KCNC2: variants seen among roughly 807,000 people sequenced by gnomAD.
KCNC2 encodes voltage-gated potassium channel KCNC2.
A neutral mutation model predicts 44.5 loss-of-function variants in KCNC2; 21 were observed. The observed-to-expected ratio is 0.47, with a 90% CI of 0.33 to 0.68. The LOEUF is 0.68. KCNC2 is among the 30% of genes least tolerant of loss of function. The probability of loss-of-function intolerance (pLI) is 0.01; values close to 1 mark genes in which losing one functional copy is unlikely to be tolerated. For synonymous variants in KCNC2, 391 were observed against 339.1 expected, an observed-to-expected ratio of 1.15 and a Z score of -1.68; for missense variants, 589 against 826.2, an observed-to-expected ratio of 0.71 and a Z score of 3.52.
At position 75,208,148 on chromosome 12, in the gene KCNC2, C is replaced by A. The variant is rs1339928943; in HGVS notation, c.-19-146G>T. On this transcript the variant is annotated intron_variant, in intron 1 of 4. Transcript: ENST00000549446. The stretch of plus-strand genomic sequence containing the variant: ...AAGACCCTCCCCGGGAGGGGATCAG[C>A]GTCCAGCGCTGTCCCCGCCTCTTGC... The A allele has an allele frequency of 1.2e-5, 10 of 855,030 alleles. No individual in the cohort carries two copies. In the African/African-American group the frequency reaches 1.8e-4, roughly 15 times the overall value. The allele number at this position is 855,030 out of a possible 1,614,324, so 53.0% of individuals were successfully genotyped here.
At chr12:75,074,590 C>T (rs1349693261) in intron 2 of KCNC2, among the ~76,000 whole-genome samples, 4 of 152,146 alleles carry the variant, frequency 2.6e-5, no homozygotes, top group Non-Finnish European at 5.9e-5. Flanking sequence ...GTCTTGGCTT[C>T]TTGGCCCCCG....
chr12:75,163,636 G>A (rs946257323), intron 2 of KCNC2, among the ~76,000 whole-genome samples: 9 of 151,634 alleles, frequency 5.9e-5, no homozygotes, highest in African/African-American at 1.9e-4. Context: ...ACTTACGCAC[G>A]CCAATCATTT....
At chr12:75,124,025 A>C (rs1888224422) in intron 2 of KCNC2, 1 of 152,200 alleles carries the variant, frequency 6.6e-6, no homozygotes, top group Admixed American at 6.5e-5. Flanking sequence ...TTCTTAAAAA[A>C]GGTCAAAGCG....
intron 2 of KCNC2, among the ~76,000 whole-genome samples, chr12:75,174,968 A>G (rs2471653): frequency 0.64 from 96,214 of 151,344 alleles, 31,944 homozygotes; most frequent in African/African-American, 0.84. Flanking sequence ...GGTGATAGCA[A>G]TAATAAACAC....
At chr12:75,111,430 A>G (rs779722362) in intron 2 of KCNC2, among the ~76,000 whole-genome samples, 5 of 152,108 alleles carry the variant, frequency 3.3e-5, no homozygotes, top group African/African-American at 1.2e-4. Context: ...TACAAACGGT[A>G]TCATTATGAA....
intron 2 of KCNC2, among the ~76,000 whole-genome samples, chr12:75,122,554 T>C (rs144214294): frequency 3.5e-4 from 54 of 152,276 alleles, no homozygotes; most frequent in African/African-American, 1.3e-3. Flanking sequence ...ATAAGGAAAG[T>C]AGAATTCATC....
intron 2 of KCNC2, among the ~76,000 whole-genome samples, chr12:75,084,302 A>AGATAGAT (rs1565840483): frequency 6.7e-6 from 1 of 149,624 alleles, no homozygotes; most frequent in Admixed American, 6.7e-5. Context: ...ATAGATAGAT[A>AGATAGAT]GATAGATAGA....
chr12:75,187,754 G>A (rs188723550), intron 2 of KCNC2, among the ~76,000 whole-genome samples: 52 of 152,102 alleles, frequency 3.4e-4, no homozygotes, highest in African/African-American at 1.0e-3. Flanking sequence ...ATAACCCGAC[G>A]ACTATAAATG....
chr12:75,145,085 C>T (rs144886108), intron 2 of KCNC2, among the ~76,000 whole-genome samples: 5 of 152,276 alleles, frequency 3.3e-5, no homozygotes, highest in African/African-American at 1.2e-4. Context: ...AAGGCTAAAG[C>T]CTTGCAACAT....
intron 2 of KCNC2, among the ~76,000 whole-genome samples, chr12:75,080,204 T>G (rs1206133504): frequency 6.6e-6 from 1 of 152,174 alleles, no homozygotes; most frequent in African/African-American, 2.4e-5. Flanking sequence ...GAAATATTTT[T>G]TAATCACAAA....
chr12:75,134,519 T>G (rs183956689), intron 2 of KCNC2, among the ~76,000 whole-genome samples: 378 of 151,860 alleles, frequency 2.5e-3, no homozygotes, highest in South Asian at 5.8e-3. Flanking sequence ...TTAAATTGAT[T>G]AAGTGTGTAA....
intron 2 of KCNC2, among the ~76,000 whole-genome samples, chr12:75,204,694 G>T (rs1386087534): frequency 1.3e-5 from 2 of 152,006 alleles, no homozygotes; most frequent in East Asian, 3.9e-4. Context: ...TTCAACTTGT[G>T]GCCTCCACAT....
chr12:75,076,957 T>G (rs1251039784), intron 2 of KCNC2, among the ~76,000 whole-genome samples: 3 of 152,132 alleles, frequency 2.0e-5, no homozygotes, highest in African/African-American at 7.2e-5. Flanking sequence ...TTCAGCAACT[T>G]TTAGTAGTAG....
chr12:75,103,736 C>T (rs1371267318), intron 2 of KCNC2, among the ~76,000 whole-genome samples: 1 of 152,106 alleles, frequency 6.6e-6, no homozygotes, highest in Non-Finnish European at 1.5e-5. Flanking sequence ...GTACCTAACC[C>T]TATATACACT....
chr12:75,204,617 A>G (rs1412996104), intron 2 of KCNC2, among the ~76,000 whole-genome samples: 1 of 152,178 alleles, frequency 6.6e-6, no homozygotes, highest in African/African-American at 2.4e-5. Flanking sequence ...CATGATAATA[A>G]GAACTGAAGC....
chr12:75,062,817 C>T (rs915097860), intron 2 of KCNC2, among the ~76,000 whole-genome samples: 5 of 148,752 alleles, frequency 3.4e-5, no homozygotes, highest in Non-Finnish European at 7.4e-5. Context: ...TTAATATTCT[C>T]TTGAGCTTGC....
intron 2 of KCNC2, among the ~76,000 whole-genome samples, chr12:75,069,918 A>G (rs1159329368): frequency 6.6e-6 from 1 of 152,156 alleles, no homozygotes; most frequent in Non-Finnish European, 1.5e-5. Context: ...CACTAGCTCC[A>G]TCTGTACATC....
chr12:75,164,968 A>G (rs1007998791), intron 2 of KCNC2, among the ~76,000 whole-genome samples: 3 of 151,594 alleles, frequency 2.0e-5, no homozygotes, highest in Non-Finnish European at 4.4e-5. Context: ...AGTTATAACC[A>G]TTGTTTAGGA....
intron 2 of KCNC2, among the ~76,000 whole-genome samples, chr12:75,203,477 A>G (rs2031458735): frequency 6.6e-6 from 1 of 151,928 alleles, no homozygotes; most frequent in Non-Finnish European, 1.5e-5. Flanking sequence ...AGGATCGTAT[A>G]TGAGATACAA....
Sources: gnomAD v4.1 joint callset for allele counts (sites outside exome capture counted in the v4.1 genomes callset) on GRCh38, gnomAD v4.1.1 for gene constraint, MANE v1.5 for transcripts, NCBI Gene and HGNC (gene_info 2026-07-23, HGNC 2026-07-21) for gene names.